The following WNT2B variants were observed in gnomAD, a reference collection of about 807,000 sequenced individuals.
The protein encoded by WNT2B is Wnt family member 2B.
In WNT2B, 19 loss-of-function variants were observed where a neutral mutation model predicts 40.5. The observed-to-expected ratio is 0.47, with a 90% CI of 0.33 to 0.69. WNT2B has a LOEUF of 0.69. Ranked by LOEUF, WNT2B falls within the 30% of genes least tolerant of loss-of-function variation. The pLI is 0.02. For synonymous variants in WNT2B, 220 were observed against 211.9 expected, an observed-to-expected ratio of 1.04 and a Z score of -0.33; for missense variants, 467 against 556.4, an observed-to-expected ratio of 0.84 and a Z score of 1.62.
chr1:112,518,151 G>C (rs961677063), intron 4 of WNT2B: 3 of 152,238 alleles, frequency 2.0e-5, no homozygotes, highest in African/African-American at 7.2e-5. Context: ...CAGTCTGTTC[G>C]AGGTATTTGT....
At chr1:112,517,432 C>T (rs776591155) in intron 4 of WNT2B, 47 bp downstream of exon 4, 5 of 1,561,990 alleles carry the variant, frequency 3.2e-6, no homozygotes, top group Middle Eastern at 1.7e-4. Context: ...GTTCTTAGTG[C>T]AGGCACCCCT....
At chr1:112,519,965 CCAGCCTCGTGTTACTTTCACCT>C (rs1206735675) in intron 4 of WNT2B, among the ~76,000 whole-genome samples, 1 of 151,136 alleles carries the variant, frequency 6.6e-6, no homozygotes, top group East Asian at 1.9e-4. Flanking sequence ...CCTCGACCTC[CCAGCCTCGTGTTACTTTCACCT>C]CAGCCTCCTG....
At chr1:112,480,606 G>A (rs1457964854) in intron 1 of WNT2B, among the ~76,000 whole-genome samples, 1 of 151,906 alleles carries the variant, frequency 6.6e-6, no homozygotes, top group African/African-American at 2.4e-5. Context: ...TCCCAAAAAA[G>A]AAAGCCCAGA....
chr1:112,521,234 C>T lies in WNT2B; in HGVS notation c.*725C>T, dbSNP rs1384686365. 6.6e-6 allele frequency: 1 copy of T among 151,412 alleles called. No homozygotes were observed. Among genetic ancestry groups the T allele is most frequent in the East Asian group, 1.9e-4 (1 of 5,158 alleles). The allele number at this position is 151,412 out of a possible 1,614,324, so 9.4% of individuals were successfully genotyped here. A position where few individuals can be genotyped will look rare whatever the true frequency, so the allele number is the denominator to read the frequency against. On this transcript the variant is annotated 3_prime_UTR_variant, in exon 5 of 5. Coordinates refer to ENST00000369684, the MANE Select transcript of WNT2B (RefSeq NM_024494.3). Reference sequence around the variant, plus strand: ...GAGGTGGAATGCAGTGGTTCCCATGCTTAACAAATCATTAAAACACCCTAG... The same window carrying T: ...GAGGTGGAATGCAGTGGTTCCCATGTTTAACAAATCATTAAAACACCCTAG...
intron 4 of WNT2B, 30 bp downstream of exon 4, chr1:112,517,415 AGTCCCAGTTCTTAGTG>A: frequency 1.3e-6 from 2 of 1,581,394 alleles, no homozygotes; most frequent in Non-Finnish European, 8.6e-7. Context: ...AGGGACATGC[AGTCCCAGTTCTTAGTG>A]CAGGCACCCC....
intron 1 of WNT2B, among the ~76,000 whole-genome samples, chr1:112,498,814 T>C (rs752729124): frequency 2.0e-5 from 3 of 152,212 alleles, no homozygotes; most frequent in Non-Finnish European, 4.4e-5. Context: ...TCTGATCCTT[T>C]AGTGTAGTAG....
intron 1 of WNT2B, among the ~76,000 whole-genome samples, chr1:112,500,604 TA>T (rs199794299): frequency 0.059 from 8,955 of 151,600 alleles, 442 homozygotes; most frequent in Admixed American, 0.16. Flanking sequence ...ACCCCGTCAC[TA>T]AAAAAAATTT....
chr1:112,517,458 G>C, intron 4 of WNT2B, 73 bp downstream of exon 4: 1 of 1,521,386 alleles, frequency 6.6e-7, no homozygotes, highest in Non-Finnish European at 8.8e-7. Flanking sequence ...ATCATGGTCT[G>C]TTCAGTCTCA....
Position 112,517,394 on chromosome 1 carries a change from G to A in WNT2B, c.946+9G>A, listed in dbSNP as rs774285608. On this transcript the variant is annotated intron_variant, in intron 4 of 4. Coordinates refer to ENST00000369684, the MANE Select transcript of WNT2B (RefSeq NM_024494.3). ...CTTGGACAAGGCTGCAGGTGAGTAA[G>A]GAAGGCAGGCAGGGACATGCAGTCC... The A allele has an allele frequency of 1.3e-5, 20 of 1,594,586 alleles. No individual in the cohort carries two copies. The highest frequency in any genetic ancestry group is 1.7e-5 in the Admixed American group (1 of 59,532).
At chr1:112,488,015 C>T (rs181181958) in intron 1 of WNT2B, among the ~76,000 whole-genome samples, 117 of 150,840 alleles carry the variant, frequency 7.8e-4, no homozygotes, top group Non-Finnish European at 1.4e-3. Context: ...AAAATCTGGC[C>T]AGGCACAGTA....
intron 1 of WNT2B, among the ~76,000 whole-genome samples, chr1:112,499,758 G>C (rs1397930824): frequency 6.6e-6 from 1 of 152,272 alleles, no homozygotes; most frequent in East Asian, 1.9e-4. Flanking sequence ...CAGGGGTGAA[G>C]GTATTTCATC....
chr1:112,497,725 T>C (rs1048861044), intron 1 of WNT2B, among the ~76,000 whole-genome samples: 1 of 152,222 alleles, frequency 6.6e-6, no homozygotes, highest in Non-Finnish European at 1.5e-5. Flanking sequence ...CATGCTTTTT[T>C]ATTCTTTACA....
At chr1:112,475,720 AGAT>A (rs527490816) in intron 1 of WNT2B, among the ~76,000 whole-genome samples, 46 of 152,312 alleles carry the variant, frequency 3.0e-4, no homozygotes, top group Middle Eastern at 3.4e-3. Flanking sequence ...GCAACAAAGA[AGAT>A]AAAAATAGAA....
intron 1 of WNT2B, among the ~76,000 whole-genome samples, chr1:112,485,527 A>G (rs1651389632): frequency 6.6e-6 from 1 of 152,046 alleles, no homozygotes; most frequent in South Asian, 2.1e-4. Flanking sequence ...AAAGAACTAT[A>G]TCACCATATC....
chr1:112,516,275 G>T lies in WNT2B; in HGVS notation c.539G>T (p.Arg180Leu). ...ACCCGTGGCCGACACCATGACCAGC[G>T]TGGGGACTTTGACTGGGGTGGCTGC... ...PYTRGRHHDQ[R>L]GDFDWGGCSD... Residue 180 changes from arginine (R) to leucine (L), a missense_variant, in exon 3 of 5, where the codon CGT becomes CTT. Transcript: ENST00000369684. 2 of 1,614,110 alleles carry T rather than the reference G, an allele frequency of 1.2e-6. No individual in the cohort carries two copies. Among genetic ancestry groups the T allele is most frequent in the Non-Finnish European group, 1.7e-6 (2 of 1,180,030 alleles).
chr1:112,518,691 G>A (rs1211214972), intron 4 of WNT2B, among the ~76,000 whole-genome samples: 1 of 152,138 alleles, frequency 6.6e-6, no homozygotes, highest in African/African-American at 2.4e-5. Context: ...TTTAGGGAAG[G>A]AACTTTGGAG....
At chr1:112,491,082 G>A (rs565788658) in intron 1 of WNT2B, 2 of 1,613,218 alleles carry the variant, frequency 1.2e-6, no homozygotes, top group Admixed American at 3.3e-5. Context: ...GTTTGCAAAG[G>A]TACATGATAA....
intron 1 of WNT2B, among the ~76,000 whole-genome samples, chr1:112,473,039 G>C (rs1417571575): frequency 7.4e-6 from 1 of 135,968 alleles, no homozygotes. Context: ...GGGAGAAAGG[G>C]AGAGGGAGAG....
chr1:112,479,683 T>G (rs569534328), intron 1 of WNT2B, among the ~76,000 whole-genome samples: 68 of 152,276 alleles, frequency 4.5e-4, no homozygotes, highest in African/African-American at 1.6e-3. Flanking sequence ...CTAGTGTTTT[T>G]GTAAGCAATT....
Sources: allele counts gnomAD v4.1 joint callset (sites outside exome capture counted in the v4.1 genomes callset), GRCh38; gene constraint gnomAD v4.1.1; transcripts MANE v1.5; gene names NCBI Gene and HGNC (gene_info 2026-07-23, HGNC 2026-07-21).